RANBP2: variants seen among roughly 807,000 people sequenced by gnomAD.
The protein encoded by RANBP2 is E3 SUMO-protein ligase RanBP2.
RANBP2 carries 57 observed loss-of-function variants against 303.6 expected under a neutral mutation model. That is an observed-to-expected ratio of 0.19 (90% confidence interval 0.15 to 0.23). RANBP2 has a LOEUF of 0.23. RANBP2 is among the 10% of genes least tolerant of loss of function. The pLI is 1.00. For missense variants in RANBP2, 3,138 were observed against 3,780.8 expected (o/e 0.83, Z 4.46); for synonymous variants, 1,167 against 1,301.5 (o/e 0.90, Z 2.23).
chr2:109,308,081 C>T, the RANBP2 span, among the ~76,000 whole-genome samples: 1 of 146,462 alleles, frequency 6.8e-6, no homozygotes, highest in Non-Finnish European at 1.5e-5. Flanking sequence ...CTCTCCAGCA[C>T]CTGTTGTTTC....
At chr2:109,265,536 G>A in the RANBP2 span, among the ~76,000 whole-genome samples, 1 of 152,174 alleles carries the variant, frequency 6.6e-6, no homozygotes, top group Admixed American at 6.5e-5. Context: ...GTATAGGCTG[G>A]GGTCCCTGCA....
chr2:108,768,375 A>G lies in RANBP2; in HGVS notation c.7836A>G (p.Lys2612=). 6.2e-7 allele frequency: 1 copy of G among 1,611,558 alleles called. No individual in the cohort carries two copies. The highest frequency in any genetic ancestry group is 8.5e-7 in the Non-Finnish European group (1 of 1,179,842). The change falls in exon 20 of 29, where the codon AAA becomes AAG. Residue 2612 remains lysine, a synonymous_variant. Transcript: ENST00000283195. ...AATCTTCAATCAACTACACATTTAA[A>G]ACACCAGAAAAGGGTAAGTACTTTG... ...TEESSINYTF[K]TPEKAKEKKK... is the part of the protein sequence containing the mutation.
chr2:109,673,144 G>C, the RANBP2 span, among the ~76,000 whole-genome samples: 1 of 152,182 alleles, frequency 6.6e-6, no homozygotes, highest in Non-Finnish European at 1.5e-5. Context: ...CGGTGACTGG[G>C]CATAGAGTCA....
At chr2:108,755,702 C>T (rs1353145102) in intron 17 of RANBP2, among the ~76,000 whole-genome samples, 3 of 151,908 alleles carry the variant, frequency 2.0e-5, no homozygotes, top group East Asian at 1.9e-4. Context: ...CTACATACCT[C>T]GGTCTTGACC....
the RANBP2 span, among the ~76,000 whole-genome samples, chr2:108,830,053 A>T: frequency 1.2e-3 from 179 of 152,314 alleles, no homozygotes; most frequent in Non-Finnish European, 1.5e-3. Context: ...GATAAACAAG[A>T]TGTGGTATAT....
At chr2:109,078,183 GC>G in the RANBP2 span, among the ~76,000 whole-genome samples, 1 of 78,244 alleles carries the variant, frequency 1.3e-5, no homozygotes, top group African/African-American at 5.1e-5. Flanking sequence ...TATATATATA[GC>G]ATATATATAT....
chr2:109,304,415 A>C, the RANBP2 span, among the ~76,000 whole-genome samples: 2 of 152,248 alleles, frequency 1.3e-5, no homozygotes, highest in South Asian at 4.1e-4. Context: ...ACAAATGACA[A>C]GACTTCCTTC....
At chr2:109,417,102 T>C in the RANBP2 span, among the ~76,000 whole-genome samples, 1 of 152,096 alleles carries the variant, frequency 6.6e-6, no homozygotes, top group African/African-American at 2.4e-5. Context: ...GGTGAGTGAA[T>C]GACCCTAAGA....
At chr2:109,132,313 C>T in the RANBP2 span, among the ~76,000 whole-genome samples, 1 of 152,040 alleles carries the variant, frequency 6.6e-6, no homozygotes. Flanking sequence ...AATTTTGTTA[C>T]GGTTCAATAT....
chr2:109,569,755 A>G, the RANBP2 span, among the ~76,000 whole-genome samples: 1 of 152,216 alleles, frequency 6.6e-6, no homozygotes, highest in East Asian at 1.9e-4. Context: ...AAACTGCAGT[A>G]GACTGAATAC....
chr2:108,781,951 T>C (rs539146626), intron 26 of RANBP2, among the ~76,000 whole-genome samples, 177 bp from the exon 27 acceptor site: 2 of 152,234 alleles, frequency 1.3e-5, no homozygotes, highest in Non-Finnish European at 2.9e-5. Flanking sequence ...ATCAGGTCTT[T>C]ACTCCCTCAG....
chr2:109,128,372 C>T, the RANBP2 span: 2 of 152,124 alleles, frequency 1.3e-5, no homozygotes, highest in African/African-American at 4.8e-5. Flanking sequence ...CGCTAGAGCC[C>T]CTCGCACAGC....
chr2:108,770,415 G>T (rs1677417139), intron 20 of RANBP2, among the ~76,000 whole-genome samples: 1 of 152,238 alleles, frequency 6.6e-6, no homozygotes, highest in Non-Finnish European at 1.5e-5. Flanking sequence ...CACTGGTTCT[G>T]CAGAGCAGTG....
chr2:109,284,844 G>A, the RANBP2 span, among the ~76,000 whole-genome samples: 4 of 152,344 alleles, frequency 2.6e-5, no homozygotes, highest in African/African-American at 7.2e-5. Context: ...GTTTAAGGAT[G>A]TGTGGCTTCA....
chr2:109,700,383 G>A, the RANBP2 span, among the ~76,000 whole-genome samples: 1 of 152,142 alleles, frequency 6.6e-6, no homozygotes, highest in Non-Finnish European at 1.5e-5. Flanking sequence ...ACATTTTAGG[G>A]AGATGTGAGA....
chr2:109,173,950 C>T, the RANBP2 span, among the ~76,000 whole-genome samples: 320 of 152,334 alleles, frequency 2.1e-3, no homozygotes, highest in African/African-American at 5.8e-3. Flanking sequence ...AAGCAGATGT[C>T]GGGTTCAGGC....
the RANBP2 span, among the ~76,000 whole-genome samples, chr2:109,406,172 A>G: frequency 2.0e-5 from 3 of 152,198 alleles, no homozygotes; most frequent in African/African-American, 4.8e-5. Context: ...TGCTCTGGGC[A>G]TAATGGAGTA....
At chr2:109,168,661 T>G in the RANBP2 span, among the ~76,000 whole-genome samples, 1 of 63,660 alleles carries the variant, frequency 1.6e-5, no homozygotes, top group Non-Finnish European at 3.3e-5. Context: ...CTGCTCAAAC[T>G]GAAAACCTTT....
At chr2:109,527,750 T>A in the RANBP2 span, among the ~76,000 whole-genome samples, 7,223 of 152,258 alleles carry the variant, frequency 0.047, 565 homozygotes, top group African/African-American at 0.16. Flanking sequence ...AAGATTTTTT[T>A]AAAAAATAAA....
Sources: allele counts gnomAD v4.1 joint callset (sites outside exome capture counted in the v4.1 genomes callset), GRCh38; gene constraint gnomAD v4.1.1; transcripts MANE v1.5; gene names NCBI Gene and HGNC (gene_info 2026-07-23, HGNC 2026-07-21).